The following ITSN2 variants were observed in gnomAD, a reference collection of about 807,000 sequenced individuals.
The protein encoded by ITSN2 is intersectin 2.
In ITSN2, 156 loss-of-function variants were observed where a neutral mutation model predicts 243.7. The ratio of observed to expected loss-of-function variants is 0.64; its 90% CI spans 0.56 to 0.73. The LOEUF (loss-of-function observed/expected upper bound fraction) is 0.73. Ranked by LOEUF, ITSN2 falls within the 30% of genes least tolerant of loss-of-function variation. The pLI is 0.00. For missense variants in ITSN2, 1,801 were observed against 1,996.1 expected (o/e 0.90, Z 1.86); for synonymous variants, 703 against 699.9 (o/e 1.00, Z -0.07).
Position 24,225,427 on chromosome 2 carries a change from G to A in ITSN2, c.3578-4361C>T, listed in dbSNP as rs1372100482. ...ACTGCCCGACACTGCTCTCGGGAAG[G>A]TATCGATGACCTTGGCATTGCCAAG... On this transcript the variant is annotated intron_variant, in intron 29 of 39. Transcript: ENST00000355123. This position sits in a 1 kb window ranked among gnomAD's most constrained non-coding sequence, Gnocchi z 4.2. Among the ~76,000 whole-genome samples, 1 of 152,148 alleles carries A rather than the reference G, an allele frequency of 6.6e-6. No homozygotes were observed. The highest frequency in any genetic ancestry group is 1.5e-5 in the Non-Finnish European group (1 of 68,032).
At chr2:24,274,752 T>C (rs1677810949) in intron 18 of ITSN2, among the ~76,000 whole-genome samples, 1 of 152,182 alleles carries the variant, frequency 6.6e-6, no homozygotes, top group Non-Finnish European at 1.5e-5. Context: ...AATAGAGGCC[T>C]GCCAAATGGT....
rs545374077 is a variant in ITSN2, at chr2:24,286,222, T to C, written c.1853A>G (p.Asn618Ser). The change falls in exon 16 of 40, where the codon AAT (asparagine) becomes AGT (serine). Residue 618 changes from asparagine (N) to serine (S), a missense_variant. Transcript: ENST00000355123. The part of the protein sequence containing the change: ...SKLSEMDSFN[N>S]QLKCGNMDDS... The stretch of plus-strand genomic sequence containing the variant: ...ATCAAAAATAAATACCTTTAGTTGA[T>C]TGTTAAAAGAATCCATTTCTGACAG... 41 of 1,577,114 alleles carry C rather than the reference T, an allele frequency of 2.6e-5. No individual in the cohort carries two copies. Among genetic ancestry groups the C allele is most frequent in the African/African-American group, 6.8e-5 (5 of 73,556 alleles).
intron 1 of ITSN2, among the ~76,000 whole-genome samples, chr2:24,346,410 T>C (rs1176766428): frequency 1.3e-5 from 2 of 152,120 alleles, no homozygotes; most frequent in African/African-American, 2.4e-5. Context: ...CAGTAACCTC[T>C]CAAAACTGTC....
chr2:24,322,654 G>T (rs1282745717), intron 2 of ITSN2, among the ~76,000 whole-genome samples: 8 of 152,104 alleles, frequency 5.3e-5, no homozygotes, highest in Non-Finnish European at 1.2e-4. Context: ...AAATGTTTGT[G>T]ATTTTGGATT....
chr2:24,207,568 G>A (rs891652158), intron 37 of ITSN2, among the ~76,000 whole-genome samples: 8 of 151,986 alleles, frequency 5.3e-5, no homozygotes, highest in Non-Finnish European at 5.9e-5. Flanking sequence ...TACAGAGGTC[G>A]GGGAGAGGCC....
chr2:24,309,157 G>C (rs1015861243), intron 7 of ITSN2, among the ~76,000 whole-genome samples: 1 of 152,336 alleles, frequency 6.6e-6, no homozygotes, highest in South Asian at 2.1e-4. Context: ...CAAAAAGGTT[G>C]AGGATCGCTG....
At chr2:24,283,525 C>A (rs569791985) in intron 17 of ITSN2, among the ~76,000 whole-genome samples, 1 of 152,306 alleles carries the variant, frequency 6.6e-6, no homozygotes, top group African/African-American at 2.4e-5. Flanking sequence ...TGCGCCTGGC[C>A]AATATTTTTT....
At chr2:24,315,060 C>A in intron 3 of ITSN2, 72 bp downstream of exon 3, 1 of 665,002 alleles carries the variant, frequency 1.5e-6, no homozygotes, top group South Asian at 2.9e-5. Context: ...TGATGGCAGT[C>A]AAATTAAAAC....
At chr2:24,303,101 A>G (rs1682000326) in intron 9 of ITSN2, among the ~76,000 whole-genome samples, 1 of 152,196 alleles carries the variant, frequency 6.6e-6, no homozygotes, top group Admixed American at 6.5e-5. Context: ...CTGTTAATAT[A>G]TTACTGGATT....
chr2:24,300,286 C>T (rs187595087), intron 11 of ITSN2, 115 bp from the exon 12 acceptor site: 28 of 898,138 alleles, frequency 3.1e-5, no homozygotes, highest in Non-Finnish European at 4.3e-5. Flanking sequence ...TATTTGAATA[C>T]TTCTCCTAAG....
Position 24,210,916 on chromosome 2 carries a change from T to A in ITSN2, c.4121A>T (p.Asp1374Val), listed in dbSNP as rs759328853. 1 of 1,614,214 alleles carries A rather than the reference T, an allele frequency of 6.2e-7. No individual in the cohort carries two copies. Among genetic ancestry groups the A allele is most frequent in the Non-Finnish European group, 8.5e-7 (1 of 1,180,042 alleles). The change falls in exon 34 of 40, where the codon GAC (aspartate) becomes GTC (valine). Residue 1374 changes from aspartate to valine, a missense_variant. Asp to Val is a radical substitution (Grantham distance 152, BLOSUM62 -3). Around this residue, in one of 5 missense-constraint regions of ITSN2, gnomAD observed 928 missense variants for 1,065.4 expected, o/e 0.87. Transcript: ENST00000355123. ...GAGGGCCAGCTTTAGGGAGGAATGG[T>A]CTGCATGGCTCTCCGGGGTGTTCTC... is the stretch of plus-strand genomic sequence containing the variant. ...ILENTPESHA[D>V]HSSLKLALER...
chr2:24,269,346 T>G (rs1338262421), intron 20 of ITSN2, among the ~76,000 whole-genome samples: 6 of 152,196 alleles, frequency 3.9e-5, no homozygotes, highest in Admixed American at 3.3e-4. Flanking sequence ...AAAACTGAAC[T>G]CATAATTCTA....
At position 24,298,614 on chromosome 2, in the gene ITSN2, C is replaced by A. The variant is rs751971555; in HGVS notation, c.1494+51G>T. The stretch of plus-strand genomic sequence containing the variant: ...CCTGGCCCACAATTACATTTTTCAA[C>A]AGGTAGCTCCATCATCATTCAGATA... On this transcript the variant is annotated intron_variant, in intron 13 of 39. Transcript: ENST00000355123. The A allele has an allele frequency of 2.6e-6, 4 of 1,528,890 alleles. No individual in the cohort carries two copies. In the African/African-American group the frequency reaches 5.6e-5, roughly 22 times the overall value. 94.7% of individuals were successfully genotyped at this position (1,528,890 alleles called of 1,614,324 possible).
chr2:24,275,784 G>T lies in ITSN2; in HGVS notation c.2010C>A (p.Asp670Glu). Residue 670 changes from aspartate (D) to glutamate (E), a missense_variant, in exon 18 of 40, where the codon GAC (aspartate) becomes GAA (glutamate). Asp to Glu is a conservative substitution (Grantham distance 45, BLOSUM62 2). Coordinates refer to ENST00000355123, the MANE Select transcript of ITSN2 (RefSeq NM_006277.3). ...TTTTCCTTTCAATTTCCTTCAACTT[G>T]TCACGTTTGATCTTATAAAGCTGTT... ...ALEQLYKIKR[D>E]KLKEIERKRL... 6.2e-7 allele frequency: 1 copy of T among 1,611,608 alleles called. No individual in the cohort carries two copies. The highest frequency in any genetic ancestry group is 8.5e-7 in the Non-Finnish European group (1 of 1,178,180).
At chr2:24,296,300 T>C (rs1680952200) in intron 13 of ITSN2, among the ~76,000 whole-genome samples, 1 of 152,216 alleles carries the variant, frequency 6.6e-6, no homozygotes. Flanking sequence ...TTTCCTCTTC[T>C]TCTGTGAAGA....
intron 16 of ITSN2, among the ~76,000 whole-genome samples, chr2:24,285,227 G>A (rs924971686): frequency 6.6e-6 from 1 of 152,098 alleles, no homozygotes; most frequent in African/African-American, 2.4e-5. Context: ...ATATAGGGAA[G>A]ATAAGTTGGC....
chr2:24,354,137 T>C (rs1391737327), intron 1 of ITSN2, among the ~76,000 whole-genome samples: 3 of 152,268 alleles, frequency 2.0e-5, no homozygotes, highest in African/African-American at 7.2e-5. Flanking sequence ...TTACATGTTA[T>C]CATGGTTACC....
intron 2 of ITSN2, among the ~76,000 whole-genome samples, chr2:24,316,367 G>C (rs913928456): frequency 1.3e-5 from 2 of 152,006 alleles, no homozygotes; most frequent in Non-Finnish European, 2.9e-5. Context: ...TGCAGCCTCC[G>C]CCTCCTGGGT....
At chr2:24,336,624 T>A (rs1051492767) in intron 1 of ITSN2, among the ~76,000 whole-genome samples, 3 of 152,232 alleles carry the variant, frequency 2.0e-5, no homozygotes, top group African/African-American at 7.2e-5. Flanking sequence ...TTTCTTCTCC[T>A]TCTTTGATTC....
Sources: gnomAD v4.1 joint callset for allele counts (sites outside exome capture counted in the v4.1 genomes callset) on GRCh38, gnomAD v4.1.1 for gene constraint, gnomAD v4.1.1 regional missense constraint, Gnocchi (gnomAD v3.1) non-coding constraint, MANE v1.5 for transcripts, NCBI Gene and HGNC (gene_info 2026-07-23, HGNC 2026-07-21) for gene names.